Variants in UGGT1 observed in about 807,000 individuals in gnomAD.
UGGT1 encodes UDP-glucose glycoprotein glucosyltransferase 1, also known as UDP-glucose:glycoprotein glucosyltransferase 1.
Under a neutral mutation model 203.9 loss-of-function variants are expected in UGGT1, and 107 were observed. The observed-to-expected ratio is 0.52, with a 90% CI of 0.45 to 0.62. The LOEUF is 0.62. Among genes scored for constraint, UGGT1 ranks in the 20% least tolerant of loss-of-function variants. The pLI is 0.00. For synonymous variants in UGGT1, 628 were observed against 653.5 expected (o/e 0.96, Z 0.59); for missense variants, 1,673 against 1,867.2 (o/e 0.90, Z 1.92).
chr2:128,097,947 C>T (rs1357577116), intron 2 of UGGT1, among the ~76,000 whole-genome samples: 2 of 152,126 alleles, frequency 1.3e-5, no homozygotes, highest in Non-Finnish European at 2.9e-5. Context: ...CTGTGACCTC[C>T]GCCTCCTGGG....
At chr2:128,182,857 C>CTT (rs11367566) in intron 37 of UGGT1, among the ~76,000 whole-genome samples, 1 of 137,790 alleles carries the variant, frequency 7.3e-6, no homozygotes, top group African/African-American at 2.7e-5. Context: ...AATGTGTATT[C>CTT]TTTTTTTTTT....
intron 31 of UGGT1, among the ~76,000 whole-genome samples, chr2:128,176,179 C>A (rs1435080081): frequency 6.6e-6 from 1 of 151,948 alleles, no homozygotes; most frequent in Non-Finnish European, 1.5e-5. Flanking sequence ...TTTGGGAGGC[C>A]GAGGAGGGTG....
intron 26 of UGGT1, among the ~76,000 whole-genome samples, chr2:128,166,224 C>T (rs1009353209): frequency 2.6e-5 from 4 of 152,178 alleles, no homozygotes; most frequent in Non-Finnish European, 4.4e-5. Context: ...CATCTGCACA[C>T]GTGCATGTTG....
chr2:128,113,063 G>T, intron 5 of UGGT1, 21 bp from the exon 6 acceptor site: 1 of 1,452,202 alleles, frequency 6.9e-7, no homozygotes, highest in Non-Finnish European at 9.1e-7. Flanking sequence ...AAAGTTTTGA[G>T]CTTTTATTAT....
chr2:128,092,608 T>TC lies in UGGT1; in HGVS notation c.58+1193_58+1194insC, dbSNP rs201652427. Among the ~76,000 whole-genome samples, 217 of 146,064 alleles carry TC rather than the reference T, an allele frequency of 1.5e-3. 4 individuals carry two copies. The East Asian group carries it at 0.025, about 17-fold the overall frequency. Reference sequence around the variant, plus strand: ...TGATAATTTTCTTTCTTTCTTTCTTTTTTTTTTTTTTTTTGAGATGGAGTT... The same window carrying TC: ...TGATAATTTTCTTTCTTTCTTTCTTTCTTTTTTTTTTTTTTGAGATGGAGTT... On this transcript the variant is annotated intron_variant, in intron 1 of 40. Coordinates refer to ENST00000259253, the MANE Select transcript of UGGT1 (RefSeq NM_020120.4).
intron 1 of UGGT1, 155 bp downstream of exon 1, chr2:128,091,570 G>A: frequency 6.9e-7 from 1 of 1,445,832 alleles, no homozygotes; most frequent in Non-Finnish European, 9.1e-7. Flanking sequence ...AGCGCCCCGA[G>A]TTGCCCTCAG....
intron 34 of UGGT1, 36 bp downstream of exon 34, chr2:128,178,605 A>G (rs370859349): frequency 8.3e-6 from 13 of 1,558,986 alleles, no homozygotes; most frequent in African/African-American, 1.4e-5. Context: ...TATATGATGA[A>G]TGAATTGGTC....
Position 128,097,584 on chromosome 2 carries a change from C to T in UGGT1, c.194+20C>T, listed in dbSNP as rs767305693. The T allele has an allele frequency of 1.9e-5, 31 of 1,612,522 alleles. No homozygotes were observed. The highest frequency in any genetic ancestry group is 9.3e-6 in the Non-Finnish European group (11 of 1,179,526). On this transcript the variant is annotated intron_variant, in intron 2 of 40. Transcript: ENST00000259253. ...AGCCAGGTAAGAGAACATTTTTTTT[C>T]CCTTCGTGTATTTGAGTATAAATAT...
At chr2:128,120,539 G>T in intron 9 of UGGT1, 83 bp downstream of exon 9, 2 of 1,040,828 alleles carry the variant, frequency 1.9e-6, no homozygotes, top group Non-Finnish European at 3.0e-6. Context: ...GAATTTAATT[G>T]TATGTAGTAC....
chr2:128,178,451 TACCC>T lies in UGGT1; in HGVS notation c.3714-16_3714-13del. The T allele has an allele frequency of 1.9e-6, 3 of 1,593,174 alleles. No individual in the cohort carries two copies. The highest frequency in any genetic ancestry group is 1.4e-5 in the African/African-American group (1 of 73,792). ...TGAGTGTTTCAAGTGGTCTTTTTTT[TACCC>T]TTATTGTTATAGGGGCTTTACAGGA... On this transcript the variant is annotated splice_polypyrimidine_tract_variant and intron_variant, in intron 33 of 40. Transcript: ENST00000259253.
intron 32 of UGGT1, among the ~76,000 whole-genome samples, 197 bp from the exon 33 acceptor site, chr2:128,177,635 A>G (rs898231236): frequency 2.0e-5 from 3 of 152,214 alleles, no homozygotes; most frequent in Non-Finnish European, 4.4e-5. Context: ...GTCTCCTCAC[A>G]TAAGGTTATG....
chr2:128,157,738 G>T (rs1690310795), intron 22 of UGGT1, among the ~76,000 whole-genome samples: 1 of 152,190 alleles, frequency 6.6e-6, no homozygotes, highest in African/African-American at 2.4e-5. Context: ...GAATGGTAGT[G>T]TGTGTGTTTA....
chr2:128,092,281 G>A (rs1686902466), intron 1 of UGGT1, among the ~76,000 whole-genome samples: 1 of 149,514 alleles, frequency 6.7e-6, no homozygotes, highest in Admixed American at 6.7e-5. Flanking sequence ...CACTTGACTT[G>A]CTTTTGATAA....
At chr2:128,117,828 T>C (rs10206118) in intron 8 of UGGT1, among the ~76,000 whole-genome samples, 17,270 of 152,048 alleles carry the variant, frequency 0.11, 2,064 homozygotes, top group African/African-American at 0.29. Flanking sequence ...GGATTACAGG[T>C]GTGAGCCACC....
intron 20 of UGGT1, 90 bp downstream of exon 20, chr2:128,155,677 G>A: frequency 1.0e-6 from 1 of 967,824 alleles, no homozygotes; most frequent in Non-Finnish European, 1.5e-6. Context: ...AGAGAGAAAA[G>A]GGAAAGAGAC....
intron 18 of UGGT1, 74 bp downstream of exon 18, chr2:128,146,041 A>G: frequency 8.9e-6 from 14 of 1,564,430 alleles, no homozygotes; most frequent in Middle Eastern, 1.7e-4. Context: ...TATAGTAGGC[A>G]GTAAAATTCT....
chr2:128,123,169 T>C lies in UGGT1; in HGVS notation c.1074-17T>C. On this transcript the variant is annotated splice_polypyrimidine_tract_variant and intron_variant, in intron 10 of 40. Transcript: ENST00000259253. ...CAAATATTAAGCCAAGCACTCATAA[T>C]GTTTTTATTTCCTTAGAGCAATAAC... 8 of 1,605,866 alleles carry C rather than the reference T, an allele frequency of 5.0e-6. No individual in the cohort carries two copies. The highest frequency in any genetic ancestry group is 6.8e-6 in the Non-Finnish European group (8 of 1,175,346).
rs1237409867 is a variant in UGGT1 at position 128,143,126 on chromosome 2, G to A, written c.1752G>A (p.Val584=). ...ACAAGGTGAGGACTGGAGAAAAAGTGAAAGTTGAACATGTGGTCAGTGTCC... is the reference window on the plus strand; with the variant it reads ...ACAAGGTGAGGACTGGAGAAAAAGTAAAAGTTGAACATGTGGTCAGTGTCC... ...IYNKVRTGEK[V]KVEHVVSVLE... The change falls in exon 17 of 41, where the codon GTG becomes GTA. Residue 584 remains valine (V), a synonymous_variant. Coordinates refer to ENST00000259253, the MANE Select transcript of UGGT1 (RefSeq NM_020120.4). 6.2e-7 allele frequency: 1 copy of A among 1,613,102 alleles called. No homozygotes were observed. The highest frequency in any genetic ancestry group is 8.5e-7 in the Non-Finnish European group (1 of 1,179,600).
In UGGT1 at chr2:128,134,981, G is replaced by T; in HGVS notation, c.1583+20G>T. On this transcript the variant is annotated intron_variant, in intron 15 of 40. Coordinates refer to ENST00000259253, the MANE Select transcript of UGGT1 (RefSeq NM_020120.4). Reference sequence around the variant, plus strand: ...ACTAAGGTAACACTGGTATTGATTTGATGATGTATCTAATTTAGCTGAGGT... The same window carrying T: ...ACTAAGGTAACACTGGTATTGATTTTATGATGTATCTAATTTAGCTGAGGT... 6.3e-7 allele frequency: 1 copy of T among 1,588,826 alleles called. No homozygotes were observed. The highest frequency in any genetic ancestry group is 8.6e-7 in the Non-Finnish European group (1 of 1,157,880).
Sources: allele counts gnomAD v4.1 joint callset (sites outside exome capture counted in the v4.1 genomes callset), GRCh38; gene constraint gnomAD v4.1.1; transcripts MANE v1.5; gene names NCBI Gene and HGNC (gene_info 2026-07-23, HGNC 2026-07-21).